The following NAALADL2 variants were observed in gnomAD, a reference collection of about 807,000 sequenced individuals.
NAALADL2 encodes N-acetylated alpha-linked acidic dipeptidase like 2, also known as inactive N-acetylated-alpha-linked acidic dipeptidase-like protein 2.
A neutral mutation model predicts 87.2 loss-of-function variants in NAALADL2; 76 were observed. The observed-to-expected ratio is 0.87, with a 90% CI of 0.72 to 1.05. The LOEUF is 1.05. NAALADL2 is among the 50% of genes least tolerant of loss of function. The pLI is 0.00. For synonymous variants in NAALADL2, 354 were observed against 331.0 expected (o/e 1.07, Z -0.75); for missense variants, 1,089 against 945.8 (o/e 1.15, Z -1.99).
At chr3:174,608,344 CA>C (rs1373394137) in intron 2 of NAALADL2, among the ~76,000 whole-genome samples, 4 of 151,782 alleles carry the variant, frequency 2.6e-5, no homozygotes, top group African/African-American at 9.7e-5. Context: ...AATAGAGACA[CA>C]AAAAACCCTT....
rs536083895 is a variant in NAALADL2, at chr3:175,759,603, G to A, written c.2189+4185G>A. On this transcript the variant is annotated intron_variant, in intron 13 of 13. Coordinates refer to ENST00000454872, the MANE Select transcript of NAALADL2 (RefSeq NM_207015.3). Reference sequence around the variant, plus strand: ...AAACTCCTGACCTCGTGATTTGCCTGCCTCAGCCTCCCAAAGTGCTGGGAT... The same window carrying A: ...AAACTCCTGACCTCGTGATTTGCCTACCTCAGCCTCCCAAAGTGCTGGGAT... Among the ~76,000 whole-genome samples the A allele has an allele frequency of 2.0e-5, 3 of 152,212 alleles. No homozygotes were observed. In the South Asian group the frequency reaches 6.2e-4, roughly 32 times the overall value.
chr3:174,987,827 T>TATATATATATATATATATATATATATAA (rs1222203525), intron 1 of NAALADL2, among the ~76,000 whole-genome samples: 12 of 130,548 alleles, frequency 9.2e-5, no homozygotes, highest in African/African-American at 4.4e-4. Context: ...TATATATATA[T>TATATATATATATATATATATATATATAA]AATGAGACCT....
At chr3:174,443,095 T>C (rs1306642019) in intron 1 of NAALADL2, among the ~76,000 whole-genome samples, 1 of 152,172 alleles carries the variant, frequency 6.6e-6, no homozygotes, top group Non-Finnish European at 1.5e-5. Flanking sequence ...AATGATAACC[T>C]TTACTTGAAG....
chr3:175,397,136 A>G (rs1419551164), intron 5 of NAALADL2: 4 of 152,054 alleles, frequency 2.6e-5, no homozygotes. Flanking sequence ...CAACAACAAC[A>G]ACACCTATTT....
chr3:174,726,509 T>C lies in NAALADL2; in HGVS notation c.-114-11132T>C, dbSNP rs535176496. Among the ~76,000 whole-genome samples the C allele has an allele frequency of 1.4e-4, 21 of 152,266 alleles. No homozygotes were observed. The South Asian group carries it at 4.4e-3, about 32-fold the overall frequency. On this transcript the variant is annotated intron_variant, in intron 2 of 3. Coordinates refer to the NAALADL2 transcript ENST00000434257. Reference sequence around the variant, plus strand: ...ATATTATTTGTCTTCTGAGTGAACTTTTTGATGCTCCTTTAAATTTTTTTG... The same window carrying C: ...ATATTATTTGTCTTCTGAGTGAACTCTTTGATGCTCCTTTAAATTTTTTTG...
intron 1 of NAALADL2, chr3:174,441,084 C>G (rs1714564402): frequency 6.6e-6 from 1 of 152,236 alleles, no homozygotes; most frequent in African/African-American, 2.4e-5. Flanking sequence ...GCTCCGCGCT[C>G]TGAGGCGGCG....
chr3:174,554,406 A>C (rs1712501227), intron 2 of NAALADL2, among the ~76,000 whole-genome samples: 1 of 151,940 alleles, frequency 6.6e-6, no homozygotes, highest in African/African-American at 2.4e-5. Context: ...TTATTGTTGA[A>C]CATCGACACC....
chr3:175,558,194 C>CAAAAA (rs71164638), intron 9 of NAALADL2, among the ~76,000 whole-genome samples: 7 of 82,438 alleles, frequency 8.5e-5, no homozygotes, highest in East Asian at 4.3e-4. Context: ...GACCCCGTCT[C>CAAAAA]AAAAAAAAAA....
intron 10 of NAALADL2, among the ~76,000 whole-genome samples, chr3:175,578,061 C>T (rs1416674793): frequency 2.0e-5 from 3 of 151,956 alleles, no homozygotes; most frequent in Non-Finnish European, 4.4e-5. Context: ...TTTTAAATCG[C>T]TTCATGTTAA....
chr3:175,146,016 T>C (rs1580686815), intron 2 of NAALADL2, among the ~76,000 whole-genome samples: 1 of 152,242 alleles, frequency 6.6e-6, no homozygotes, highest in East Asian at 1.9e-4. Flanking sequence ...ATTCTCAGTT[T>C]CCACCTTTGT....
At chr3:174,631,107 G>T (rs988212890) in intron 2 of NAALADL2, among the ~76,000 whole-genome samples, 1 of 152,220 alleles carries the variant, frequency 6.6e-6, no homozygotes, top group Middle Eastern at 3.4e-3. Context: ...GTCAGATTCT[G>T]TTTCTCATGA....
At chr3:174,646,943 G>A (rs512521) in intron 2 of NAALADL2, among the ~76,000 whole-genome samples, 33,304 of 151,940 alleles carry the variant, frequency 0.22, 3,730 homozygotes, top group South Asian at 0.26. Flanking sequence ...TTGCATTTCA[G>A]TATTCACCAG....
intron 2 of NAALADL2, among the ~76,000 whole-genome samples, chr3:174,669,029 CCCA>C (rs1726256497): frequency 6.6e-6 from 1 of 152,062 alleles, no homozygotes; most frequent in Non-Finnish European, 1.5e-5. Context: ...AGTTTATAGT[CCCA>C]CCAACAGTGT....
intron 4 of NAALADL2, among the ~76,000 whole-genome samples, chr3:175,318,216 T>C (rs1427293130): frequency 7.2e-5 from 11 of 152,082 alleles, no homozygotes; most frequent in South Asian, 4.1e-4. Context: ...AATGTTTATT[T>C]TGTACTGATA....
At chr3:175,239,805 G>A (rs990912474) in intron 3 of NAALADL2, among the ~76,000 whole-genome samples, 3 of 152,108 alleles carry the variant, frequency 2.0e-5, no homozygotes, top group Non-Finnish European at 2.9e-5. Flanking sequence ...AATTCTGTAC[G>A]ACTCAGTGTT....
intron 10 of NAALADL2, among the ~76,000 whole-genome samples, chr3:175,601,978 G>C (rs906537592): frequency 2.0e-5 from 3 of 152,114 alleles, no homozygotes; most frequent in African/African-American, 7.2e-5. Context: ...GCAAAAACAT[G>C]ATAAACAGTT....
At chr3:175,625,405 G>A (rs1267422616) in intron 10 of NAALADL2, among the ~76,000 whole-genome samples, 1 of 151,984 alleles carries the variant, frequency 6.6e-6, no homozygotes, top group African/African-American at 2.4e-5. Context: ...TGATGTGTAT[G>A]CCTTCTGATT....
chr3:174,734,675 G>C (rs1028655925), intron 2 of NAALADL2, among the ~76,000 whole-genome samples: 2 of 152,138 alleles, frequency 1.3e-5, no homozygotes, highest in African/African-American at 4.8e-5. Context: ...TATTAGCCTA[G>C]TTAGGTTATC....
intron 6 of NAALADL2, among the ~76,000 whole-genome samples, chr3:175,452,845 AG>A (rs1375538085): frequency 6.6e-6 from 1 of 152,126 alleles, no homozygotes; most frequent in African/African-American, 2.4e-5. Flanking sequence ...GAGTGAGCGT[AG>A]GGGGGAACCT....
Sources: gnomAD v4.1 joint callset for allele counts (sites outside exome capture counted in the v4.1 genomes callset) on GRCh38, gnomAD v4.1.1 for gene constraint, MANE v1.5 for transcripts, NCBI Gene and HGNC (gene_info 2026-07-23, HGNC 2026-07-21) for gene names.